VCF1: variants seen among roughly 807,000 people sequenced by gnomAD.
VCF1 encodes VCP nuclear cofactor family member 1.
the VCF1 span, among the ~76,000 whole-genome samples, chr17:73,213,105 G>A: frequency 2.0e-5 from 3 of 152,032 alleles, no homozygotes; most frequent in South Asian, 2.1e-4. Flanking sequence ...TTAGCTGGGC[G>A]TGGTGGTGTG....
chr17:73,214,318 A>G, the VCF1 span, among the ~76,000 whole-genome samples: 1 of 29,578 alleles, frequency 3.4e-5, no homozygotes, highest in Non-Finnish European at 1.0e-4. Flanking sequence ...ACCAGCATTA[A>G]AAAAAAAAAA....
the VCF1 span, among the ~76,000 whole-genome samples, chr17:73,228,189 G>A: frequency 3.3e-5 from 5 of 152,186 alleles, no homozygotes; most frequent in Non-Finnish European, 7.3e-5. Context: ...ACTGCAGAAC[G>A]TTCTCCGGAG....
At chr17:73,218,457 G>T in the VCF1 span, among the ~76,000 whole-genome samples, 2 of 146,962 alleles carry the variant, frequency 1.4e-5, no homozygotes. Flanking sequence ...CTTCTGAATG[G>T]AAATACTGTA....
the VCF1 span, among the ~76,000 whole-genome samples, chr17:73,225,231 G>A: frequency 4.1e-3 from 625 of 152,202 alleles, 6 homozygotes; most frequent in African/African-American, 0.014. Flanking sequence ...GAATTTCTTT[G>A]GACAAGTAAG....
the VCF1 span, among the ~76,000 whole-genome samples, chr17:73,210,638 G>A: frequency 1.0e-3 from 157 of 152,064 alleles, 1 homozygote; most frequent in African/African-American, 3.7e-3. Flanking sequence ...ACTCTGTTAC[G>A]CAGGCTCGAG....
the VCF1 span, among the ~76,000 whole-genome samples, chr17:73,222,141 TAAGCCATGA>T: frequency 1.4e-5 from 2 of 143,270 alleles, no homozygotes; most frequent in African/African-American, 5.3e-5. Context: ...ACAGCTGCAG[TAAGCCATGA>T]CAGCACCACG....
chr17:73,227,722 C>T, the VCF1 span: 11 of 932,932 alleles, frequency 1.2e-5, no homozygotes, highest in Non-Finnish European at 1.4e-5. Context: ...ATAAAAGTAC[C>T]TCTTGGTCAC....
chr17:73,210,377 C>T, the VCF1 span, among the ~76,000 whole-genome samples: 4 of 151,714 alleles, frequency 2.6e-5, no homozygotes, highest in African/African-American at 9.7e-5. Context: ...CATGTGTGTA[C>T]ATGAGCGTGC....
the VCF1 span, chr17:73,208,022 G>C: frequency 7.6e-7 from 1 of 1,323,390 alleles, no homozygotes; most frequent in Non-Finnish European, 9.7e-7. Context: ...CCACTGCAGT[G>C]ATCTTTCAGT....
At chr17:73,225,900 T>TATATATATATATATA in the VCF1 span, among the ~76,000 whole-genome samples, 1 of 77,896 alleles carries the variant, frequency 1.3e-5, no homozygotes, top group African/African-American at 6.5e-5. Context: ...TATATATATA[T>TATATATATATATATA]TTTTTTTTTT....
the VCF1 span, chr17:73,208,841 G>A: frequency 3.1e-6 from 1 of 324,736 alleles, no homozygotes; most frequent in Non-Finnish European, 6.0e-6. Context: ...TGCAGACTCT[G>A]GTGGAATAGT....
chr17:73,208,345 A>C, the VCF1 span: 1 of 1,614,060 alleles, frequency 6.2e-7, no homozygotes, highest in Non-Finnish European at 8.5e-7. Flanking sequence ...ACAGCTGGTG[A>C]CCCGACAGTT....
At chr17:73,229,474 A>T in the VCF1 span, 10 of 985,344 alleles carry the variant, frequency 1.0e-5, no homozygotes, top group Middle Eastern at 5.2e-4. Flanking sequence ...ACCAGTTAGC[A>T]TCTGTTACTT....
the VCF1 span, among the ~76,000 whole-genome samples, chr17:73,211,587 C>T: frequency 3.1e-3 from 432 of 140,188 alleles, 2 homozygotes; most frequent in African/African-American, 0.011. Flanking sequence ...AAAGGCCAGG[C>T]GCGGTGGCTC....
At chr17:73,229,574 TAA>T in the VCF1 span, 58 of 985,262 alleles carry the variant, frequency 5.9e-5, no homozygotes, top group Non-Finnish European at 6.6e-5. Flanking sequence ...GAAATAATCT[TAA>T]GAGTATGGGC....
chr17:73,212,861 C>T, the VCF1 span: 2 of 591,290 alleles, frequency 3.4e-6, no homozygotes, highest in Non-Finnish European at 5.7e-6. Context: ...GGCAAAAGTT[C>T]TTTAAACAGA....
At chr17:73,208,385 TGAA>T in the VCF1 span, 1 of 1,614,190 alleles carries the variant, frequency 6.2e-7, no homozygotes, top group East Asian at 2.2e-5. Context: ...AGCTTGTCAG[TGAA>T]GAAGACAACA....
At chr17:73,222,211 A>AAG in the VCF1 span, among the ~76,000 whole-genome samples, 1 of 151,588 alleles carries the variant, frequency 6.6e-6, no homozygotes, top group African/African-American at 2.4e-5. Flanking sequence ...AAAAAAAAAA[A>AAG]AATTAAATTA....
chr17:73,229,746 T>A, the VCF1 span: 1 of 200,680 alleles, frequency 5.0e-6, no homozygotes, highest in Non-Finnish European at 8.9e-6. Context: ...CGTGTGCCTG[T>A]AATCCCAGCT....
Sources: allele counts gnomAD v4.1 joint callset (sites outside exome capture counted in the v4.1 genomes callset), GRCh38; gene constraint gnomAD v4.1.1; transcripts MANE v1.5; gene names NCBI Gene and HGNC (gene_info 2026-07-23, HGNC 2026-07-21).